Variants in ZPLD1 observed in about 807,000 individuals in gnomAD.
The protein encoded by ZPLD1 is zona pellucida like domain containing 1, also known as zona pellucida-like domain-containing protein 1.
Under a neutral mutation model 47.2 loss-of-function variants are expected in ZPLD1, and 34 were observed. The ratio of observed to expected loss-of-function variants is 0.72; its 90% CI spans 0.55 to 0.96. The LOEUF (loss-of-function observed/expected upper bound fraction) is 0.96, where lower values mean the gene tolerates loss of function less well. Ranked by LOEUF, ZPLD1 falls within the 40% of genes least tolerant of loss-of-function variation. The probability of loss-of-function intolerance (pLI) is 0.00; values close to 1 mark genes in which losing one functional copy is unlikely to be tolerated. For synonymous variants in ZPLD1, 176 were observed against 186.2 expected (o/e 0.95, Z 0.45); for missense variants, 512 against 505.8 (o/e 1.01, Z -0.12).
rs764094090 is a variant in ZPLD1 at position 102,462,368 on chromosome 3, T to G, written c.670T>G (p.Leu224Val). ...KVFAAVQATN[L>V]DGRWNVLMDY... ...ATTTGCAGCTGTCCAAGCCACTAATTTGGATGGCAGGTAATTTCAAACTCT... is the reference window on the plus strand; with the variant it reads ...ATTTGCAGCTGTCCAAGCCACTAATGTGGATGGCAGGTAATTTCAAACTCT... Residue 224 changes from leucine (L) to valine (V), a missense_variant, in exon 7 of 12, where the codon TTG (leucine) becomes GTG (valine). Coordinates refer to ENST00000466937, the MANE Select transcript of ZPLD1 (RefSeq NM_001329788.2). 6.2e-7 allele frequency: 1 copy of G among 1,607,602 alleles called. No homozygotes were observed. Among genetic ancestry groups the G allele is most frequent in the Non-Finnish European group, 8.5e-7 (1 of 1,176,764 alleles).
At chr3:102,450,219 T>C (rs1218626354) in intron 3 of ZPLD1, among the ~76,000 whole-genome samples, 1 of 152,176 alleles carries the variant, frequency 6.6e-6, no homozygotes, top group African/African-American at 2.4e-5. Flanking sequence ...TTTGTGTGTG[T>C]TCCTGTATTA....
Position 102,477,538 on chromosome 3 carries a change from C to T in ZPLD1, c.1168C>T (p.Leu390=), listed in dbSNP as rs1429650829. The change falls in exon 12 of 12, where the codon CTG becomes TTG. Residue 390 remains leucine, a synonymous_variant. Coordinates refer to ENST00000466937, the MANE Select transcript of ZPLD1 (RefSeq NM_001329788.2). ...ILGVTSFSLL[L]CSLALLHRKG... is the part of the protein sequence containing the mutation. ...GGGAGTTACGAGCTTTTCTCTTCTTCTGTGCTCACTGGCCCTTCTGCACAG... is the reference window on the plus strand; with the variant it reads ...GGGAGTTACGAGCTTTTCTCTTCTTTTGTGCTCACTGGCCCTTCTGCACAG... The T allele has an allele frequency of 1.2e-6, 2 of 1,613,834 alleles. No individual in the cohort carries two copies. The highest frequency in any genetic ancestry group is 3.3e-4 in the Middle Eastern group (2 of 6,058).
intron 8 of ZPLD1, among the ~76,000 whole-genome samples, chr3:102,427,042 C>A (rs988390415): frequency 4.6e-5 from 7 of 152,242 alleles, no homozygotes; most frequent in Admixed American, 1.3e-4. Context: ...TTTAATATTA[C>A]ATCCTCCCAA....
intron 8 of ZPLD1, among the ~76,000 whole-genome samples, chr3:102,466,795 G>C (rs1707599908): frequency 6.6e-6 from 1 of 151,964 alleles, no homozygotes; most frequent in Admixed American, 6.6e-5. Flanking sequence ...AAAATAAAAA[G>C]AGGATTAAGT....
intron 6 of ZPLD1, among the ~76,000 whole-genome samples, chr3:102,389,665 A>T (rs565261264): frequency 6.6e-6 from 1 of 152,146 alleles, no homozygotes; most frequent in African/African-American, 2.4e-5. Context: ...GTGATTTTGT[A>T]TGGGTCTAGG....
At chr3:102,386,996 C>T (rs1053148527) in intron 6 of ZPLD1, among the ~76,000 whole-genome samples, 2 of 152,256 alleles carry the variant, frequency 1.3e-5, no homozygotes, top group South Asian at 4.1e-4. Context: ...TTCTTTTCTG[C>T]TATGATAGCA....
intron 8 of ZPLD1, among the ~76,000 whole-genome samples, chr3:102,428,214 C>T (rs1706973524): frequency 6.6e-6 from 1 of 152,096 alleles, no homozygotes; most frequent in Non-Finnish European, 1.5e-5. Context: ...GACTTTCTTC[C>T]ATTGGTTTTA....
chr3:102,407,428 T>A (rs1576129175), intron 7 of ZPLD1, among the ~76,000 whole-genome samples: 1 of 106,996 alleles, frequency 9.3e-6, no homozygotes, highest in Middle Eastern at 4.4e-3. Flanking sequence ...TATATATATA[T>A]ATATATATAT....
At chr3:102,403,107 G>A in intron 7 of ZPLD1, among the ~76,000 whole-genome samples, 1 of 151,854 alleles carries the variant, frequency 6.6e-6, no homozygotes, top group East Asian at 1.9e-4. Context: ...AGATATTAAA[G>A]TGCACAAATA....
intron 8 of ZPLD1, among the ~76,000 whole-genome samples, chr3:102,424,496 AT>A (rs1177524355): frequency 6.6e-6 from 1 of 152,110 alleles, no homozygotes; most frequent in African/African-American, 2.4e-5. Context: ...TGGGAAATAC[AT>A]TTTCTCTCAA....
chr3:102,449,767 A>G (rs982245783), intron 3 of ZPLD1, among the ~76,000 whole-genome samples: 4 of 152,200 alleles, frequency 2.6e-5, no homozygotes, highest in African/African-American at 7.2e-5. Flanking sequence ...GCATGTATAT[A>G]TAGGAAAGAA....
chr3:102,391,416 G>C (rs538862636), intron 6 of ZPLD1, among the ~76,000 whole-genome samples: 1 of 152,070 alleles, frequency 6.6e-6, no homozygotes, highest in Non-Finnish European at 1.5e-5. Context: ...TGGGGTGTCT[G>C]TGTTCCTTCC....
At chr3:102,454,105 G>A (rs1707377380) in intron 4 of ZPLD1, among the ~76,000 whole-genome samples, 1 of 152,182 alleles carries the variant, frequency 6.6e-6, no homozygotes, top group Non-Finnish European at 1.5e-5. Flanking sequence ...AGAAAGGATT[G>A]ATTATTCCAA....
intron 7 of ZPLD1, among the ~76,000 whole-genome samples, chr3:102,399,682 G>A (rs1041745932): frequency 2.6e-5 from 4 of 151,850 alleles, no homozygotes; most frequent in South Asian, 2.1e-4. Flanking sequence ...ATACCGAAAC[G>A]ATCATGTATA....
At chr3:102,386,982 C>T (rs936218936) in intron 6 of ZPLD1, among the ~76,000 whole-genome samples, 1 of 152,052 alleles carries the variant, frequency 6.6e-6, no homozygotes, top group Non-Finnish European at 1.5e-5. Context: ...TTTTTGATGT[C>T]TATTTCTTTT....
chr3:102,413,899 C>T lies in ZPLD1; in HGVS notation c.-156-4161C>T, dbSNP rs114718192. On this transcript the variant is annotated intron_variant, in intron 7 of 17. Transcript: ENST00000491959. ...AAATTTGGGTGATTTCAAATAAAAA[C>T]CTTGATTGCTTTTTTTTTGTAAAAA... Among the ~76,000 whole-genome samples the T allele has an allele frequency of 1.3e-3, 193 of 151,680 alleles. 1 individual carries two copies. Among genetic ancestry groups the T allele is most frequent in the Non-Finnish European group, 2.4e-3 (162 of 67,790 alleles).
At chr3:102,462,778 AAG>A (rs1252258790) in intron 7 of ZPLD1, among the ~76,000 whole-genome samples, 2 of 152,272 alleles carry the variant, frequency 1.3e-5, no homozygotes, top group African/African-American at 2.4e-5. Context: ...GACTCTGCAT[AAG>A]AGTGTGTCAA....
intron 7 of ZPLD1, among the ~76,000 whole-genome samples, chr3:102,402,907 C>T (rs868184747): frequency 6.6e-6 from 1 of 151,816 alleles, no homozygotes; most frequent in East Asian, 1.9e-4. Context: ...GTTTTTAAAA[C>T]CTTTTCTTAT....
intron 8 of ZPLD1, 41 bp from the exon 9 acceptor site, chr3:102,468,923 C>G: frequency 1.3e-6 from 2 of 1,573,990 alleles, no homozygotes; most frequent in Non-Finnish European, 1.7e-6. Context: ...TAGGTTGGTA[C>G]TTTCCAGTGA....
Sources: allele counts gnomAD v4.1 joint callset (sites outside exome capture counted in the v4.1 genomes callset), GRCh38; gene constraint gnomAD v4.1.1; transcripts MANE v1.5; gene names NCBI Gene and HGNC (gene_info 2026-07-23, HGNC 2026-07-21).